Variants in BCL11B observed in about 807,000 individuals in gnomAD.
BCL11B encodes B-cell lymphoma/leukemia 11B.
Under a neutral mutation model 49.9 loss-of-function variants are expected in BCL11B, and 8 were observed. The observed-to-expected ratio is 0.16, with a 90% CI of 0.09 to 0.29. The LOEUF (loss-of-function observed/expected upper bound fraction) is 0.29, where lower values mean the gene tolerates loss of function less well. BCL11B is among the 10% of genes least tolerant of loss of function. BCL11B has a pLI of 1.00. For synonymous variants in BCL11B, 739 were observed against 637.4 expected (o/e 1.16, Z -2.40); for missense variants, 1,006 against 1,351.0 (o/e 0.74, Z 4.00).
chr14:99,220,962 TGCCTCA>T (rs978802207), intron 3 of BCL11B, among the ~76,000 whole-genome samples: 1 of 152,298 alleles, frequency 6.6e-6, no homozygotes, highest in African/African-American at 2.4e-5. Flanking sequence ...GCGATTCTCC[TGCCTCA>T]GCCTCCCAAG....
intron 3 of BCL11B, among the ~76,000 whole-genome samples, chr14:99,217,843 C>T (rs1595255504): frequency 6.6e-6 from 1 of 152,344 alleles, no homozygotes; most frequent in Middle Eastern, 3.4e-3. Flanking sequence ...TGTGCTCTGA[C>T]TTGGTGACAT....
At chr14:99,249,116 T>A (rs1226937186) in intron 2 of BCL11B, among the ~76,000 whole-genome samples, 2 of 151,962 alleles carry the variant, frequency 1.3e-5, no homozygotes, top group Non-Finnish European at 2.9e-5. Flanking sequence ...CCAAGTCCCA[T>A]CACCAAGATT....
chr14:99,263,776 A>AT (rs771350849), intron 1 of BCL11B, among the ~76,000 whole-genome samples: 2 of 148,138 alleles, frequency 1.4e-5, no homozygotes, highest in Non-Finnish European at 3.0e-5. Context: ...AAAAAGAATA[A>AT]TGCACACACC....
intron 3 of BCL11B, among the ~76,000 whole-genome samples, chr14:99,187,264 C>T (rs1172636373): frequency 6.6e-6 from 1 of 152,204 alleles, no homozygotes; most frequent in Non-Finnish European, 1.5e-5. Flanking sequence ...AGAGCCGGGG[C>T]AGGACGCACA....
intron 1 of BCL11B, among the ~76,000 whole-genome samples, chr14:99,259,627 G>A (rs1055411139): frequency 7.2e-5 from 11 of 152,178 alleles, no homozygotes; most frequent in South Asian, 2.1e-4. Context: ...CCCCGCAGAC[G>A]AGGAAATCCT....
chr14:99,218,232 AT>A lies in BCL11B; in HGVS notation c.640+13112del, dbSNP rs34932370. On this transcript the variant is annotated intron_variant, in intron 3 of 3. Coordinates refer to ENST00000357195, the MANE Select transcript of BCL11B (RefSeq NM_138576.4). ...AGGCACCCGCCACCATGCCTGGCTA[AT>A]TTTTTTTTTTTTTTTTTTTTGTATT... Among the ~76,000 whole-genome samples the A allele has an allele frequency of 7.5e-3, 843 of 112,870 alleles. 6 individuals carry two copies. The highest frequency in any genetic ancestry group is 0.02 in the African/African-American group (586 of 28,976). The allele number at this position is 112,870 out of a possible 152,430, so 74.0% of individuals were successfully genotyped here.
At chr14:99,212,310 C>T (rs1027234804) in intron 3 of BCL11B, among the ~76,000 whole-genome samples, 6 of 150,982 alleles carry the variant, frequency 4.0e-5, no homozygotes, top group Non-Finnish European at 7.4e-5. Flanking sequence ...CAGCTCAAGC[C>T]CCATGTTGTC....
chr14:99,171,343 T>G lies in BCL11B; in HGVS notation c.*2808A>C, dbSNP rs539982825. 5 of 222,320 alleles carry G rather than the reference T, an allele frequency of 2.2e-5. No individual in the cohort carries two copies. Among genetic ancestry groups the G allele is most frequent in the African/African-American group, 1.1e-4 (5 of 44,866 alleles). The allele number at this position is 222,320 out of a possible 1,614,324, so 13.8% of individuals were successfully genotyped here. A position where few individuals can be genotyped will look rare whatever the true frequency, so the allele number is the denominator to read the frequency against. ...TTCTCCTGTACAATAGGACTTAACA[T>G]ACAAATGTGTTTTTTTTGCAATATT... On this transcript the variant is annotated 3_prime_UTR_variant, in exon 4 of 4. Transcript: ENST00000357195.
chr14:99,189,027 GAA>G (rs1360959968), intron 3 of BCL11B, among the ~76,000 whole-genome samples: 1 of 152,250 alleles, frequency 6.6e-6, no homozygotes, highest in African/African-American at 2.4e-5. Flanking sequence ...AGTTTATTCA[GAA>G]TATTTTAGCG....
Position 99,175,621 on chromosome 14 carries a change from G to C in BCL11B, c.1215C>G (p.Ser405Arg), listed in dbSNP as rs1886487115. ...FQPSPKSPFL[S>R]TPPLPPMPPG... Reference sequence around the variant, plus strand: ...GGGGCATGGGCGGCAGCGGCGGCGTGCTCAGGAACGGGGACTTGGGGCTGG... The same window carrying C: ...GGGGCATGGGCGGCAGCGGCGGCGTCCTCAGGAACGGGGACTTGGGGCTGG... The change falls in exon 4 of 4, where the codon AGC becomes AGG. Residue 405 changes from serine to arginine, a missense_variant. Physicochemically the swap from Ser to Arg is moderately radical, Grantham distance 110 (BLOSUM62 -1). Transcript: ENST00000357195. The C allele has an allele frequency of 6.4e-7, 1 of 1,561,936 alleles. No homozygotes were observed. The highest frequency in any genetic ancestry group is 1.4e-5 in the African/African-American group (1 of 72,344).
At chr14:99,207,945 G>T (rs1325710333) in intron 3 of BCL11B, among the ~76,000 whole-genome samples, 1 of 152,186 alleles carries the variant, frequency 6.6e-6, no homozygotes, top group African/African-American at 2.4e-5. Flanking sequence ...AGGCCCCTGA[G>T]TCTCCATCTC....
chr14:99,189,433 T>G (rs535162254), intron 3 of BCL11B, among the ~76,000 whole-genome samples: 1 of 152,342 alleles, frequency 6.6e-6, no homozygotes, highest in South Asian at 2.1e-4. Context: ...CACACACACA[T>G]GCAAGTTCAC....
At position 99,254,271 on chromosome 14, in the gene BCL11B, A is replaced by C. The variant is rs112996540; in HGVS notation, c.427+3200T>G. ...TACTTCTCTATCATTTACCAAAAAT[A>C]AAAAATAACAGTAATTACTCTCCAG... On this transcript the variant is annotated intron_variant, in intron 2 of 3. Transcript: ENST00000357195. Among the ~76,000 whole-genome samples, 363 of 152,360 alleles carry C rather than the reference A, an allele frequency of 2.4e-3. 1 individual carries two copies. Among genetic ancestry groups the C allele is most frequent in the African/African-American group, 8.4e-3 (348 of 41,588 alleles).
chr14:99,270,466 C>G (rs1213640349), intron 1 of BCL11B, among the ~76,000 whole-genome samples: 9 of 109,606 alleles, frequency 8.2e-5, no homozygotes, highest in Non-Finnish European at 1.6e-4. Flanking sequence ...AGGAGACAGA[C>G]GGAGGTGGGG....
At position 99,191,012 on chromosome 14, in the gene BCL11B, G is replaced by A. The variant is rs185994889; in HGVS notation, c.641-14817C>T. The stretch of plus-strand genomic sequence containing the variant: ...AATTCAGTCCCAATTTTCAAGGAAG[G>A]CCTTTGATTCCACTCTTTTATTATT... On this transcript the variant is annotated intron_variant, in intron 3 of 3. Transcript: ENST00000357195. Among the ~76,000 whole-genome samples the A allele has an allele frequency of 4.6e-5, 7 of 152,238 alleles. No individual in the cohort carries two copies. The East Asian group carries it at 9.6e-4, about 21-fold the overall frequency.
At chr14:99,188,133 T>C (rs960299107) in intron 3 of BCL11B, among the ~76,000 whole-genome samples, 1 of 152,348 alleles carries the variant, frequency 6.6e-6, no homozygotes, top group Admixed American at 6.5e-5. Flanking sequence ...AAACAGCAGA[T>C]ATGCACTTGT....
At chr14:99,203,647 G>C (rs897689720) in intron 3 of BCL11B, among the ~76,000 whole-genome samples, 1 of 152,140 alleles carries the variant, frequency 6.6e-6, no homozygotes. Flanking sequence ...CATTCATTCA[G>C]TGAGTCATTC....
intron 3 of BCL11B, among the ~76,000 whole-genome samples, chr14:99,229,113 GGGATGAATGGAT>G (rs1266814586): frequency 0.011 from 1,001 of 94,742 alleles, 7 homozygotes; most frequent in African/African-American, 0.041. Flanking sequence ...GATGGATACA[GGGATGAATGGAT>G]GGATGGATGG....
At chr14:99,238,532 C>G (rs1324174216) in intron 2 of BCL11B, among the ~76,000 whole-genome samples, 1 of 152,230 alleles carries the variant, frequency 6.6e-6, no homozygotes, top group East Asian at 1.9e-4. Context: ...GCAGAGGACA[C>G]TTCAATGTTG....
Sources: allele counts gnomAD v4.1 joint callset (sites outside exome capture counted in the v4.1 genomes callset), GRCh38; gene constraint gnomAD v4.1.1; transcripts MANE v1.5; gene names NCBI Gene and HGNC (gene_info 2026-07-23, HGNC 2026-07-21).